Variants in NEMF observed in about 807,000 individuals in gnomAD.
NEMF encodes ribosome quality control complex subunit NEMF.
In NEMF, 89 loss-of-function variants were observed where a neutral mutation model predicts 162.2. The ratio of observed to expected loss-of-function variants is 0.55; its 90% confidence interval spans 0.46 to 0.65. NEMF has a LOEUF of 0.65. Among genes scored for constraint, NEMF ranks in the 30% least tolerant of loss-of-function variants. The pLI, the probability that NEMF is intolerant of heterozygous loss-of-function variation, is 0.00. For synonymous variants in NEMF, 421 were observed against 404.5 expected (o/e 1.04, Z -0.49); for missense variants, 1,133 against 1,261.9 (o/e 0.90, Z 1.55).
At chr14:49,788,570 T>C (rs1472181989) in intron 28 of NEMF, among the ~76,000 whole-genome samples, 1 of 150,436 alleles carries the variant, frequency 6.6e-6, no homozygotes. Context: ...TTTTTTTTTT[T>C]TTTTTGAGAT....
intron 18 of NEMF, among the ~76,000 whole-genome samples, chr14:49,813,545 A>G (rs1027578967): frequency 4.6e-5 from 7 of 152,044 alleles, no homozygotes; most frequent in African/African-American, 1.7e-4. Flanking sequence ...TCTCCCTTCA[A>G]TTCTGTCAGG....
chr14:49,835,422 ATCATT>A lies in NEMF; in HGVS notation c.575-978_575-974del, dbSNP rs1282300115. On this transcript the variant is annotated intron_variant, in intron 6 of 32. Coordinates refer to ENST00000298310, the MANE Select transcript of NEMF (RefSeq NM_004713.6). ...ATAAAATAAAGGAAAAGAGCCATATATCATTTCAATAGATGCAGAAAAAGCATTTG... is the reference window on the plus strand; with the variant it reads ...ATAAAATAAAGGAAAAGAGCCATATATCAATAGATGCAGAAAAAGCATTTG... Among the ~76,000 whole-genome samples, 4 of 152,224 alleles carry A rather than the reference ATCATT, an allele frequency of 2.6e-5. No homozygotes were observed. The East Asian group carries it at 7.7e-4, about 29-fold the overall frequency.
chr14:49,833,243 G>A (rs938789157), intron 8 of NEMF, among the ~76,000 whole-genome samples, 180 bp downstream of exon 8: 1 of 152,094 alleles, frequency 6.6e-6, no homozygotes, highest in South Asian at 2.1e-4. Context: ...TCCAGCCTGG[G>A]TAACAGAGCA....
intron 20 of NEMF, 72 bp downstream of exon 20, chr14:49,803,165 T>C: frequency 2.7e-6 from 3 of 1,112,582 alleles, no homozygotes; most frequent in Non-Finnish European, 4.1e-6. Flanking sequence ...TAAGAGTATT[T>C]GTAAACTGTC....
At chr14:49,784,757 C>A in intron 32 of NEMF, 44 bp from the exon 33 acceptor site, 2 of 1,525,674 alleles carry the variant, frequency 1.3e-6, no homozygotes, top group South Asian at 2.3e-5. Context: ...CCTGTATGGT[C>A]AATCATGTTT....
intron 26 of NEMF, among the ~76,000 whole-genome samples, chr14:49,790,540 C>T (rs1466874341): frequency 6.6e-6 from 1 of 152,066 alleles, no homozygotes; most frequent in Non-Finnish European, 1.5e-5. Flanking sequence ...GGATGGGGGA[C>T]AACTGGAACT....
rs780267278 is a variant in NEMF at position 49,785,061 on chromosome 14, A to T, written c.3073+31T>A. On this transcript the variant is annotated intron_variant, in intron 31 of 32. Transcript: ENST00000298310. ...ACTGTTAAGTCACTGAACTGTTTAA[A>T]ATCATAATTCAAAAAAACAAATTTA... The T allele has an allele frequency of 3.7e-6, 6 of 1,607,906 alleles. No homozygotes were observed. In the East Asian group the frequency reaches 1.1e-4, roughly 30 times the overall value.
At chr14:49,841,474 T>C (rs913417338) in intron 4 of NEMF, among the ~76,000 whole-genome samples, 5 of 148,132 alleles carry the variant, frequency 3.4e-5, no homozygotes, top group Non-Finnish European at 7.4e-5. Context: ...CTTGGGAGAC[T>C]GAGGCAGGAG....
At chr14:49,825,536 G>C (rs1313559225) in intron 16 of NEMF, among the ~76,000 whole-genome samples, 1 of 152,122 alleles carries the variant, frequency 6.6e-6, no homozygotes, top group East Asian at 1.9e-4. Flanking sequence ...AGAAGTTTGA[G>C]ACCAGCCTGG....
Position 49,784,899 on chromosome 14 carries a change from ATTCCTTTTCTGAAGGAGAACT to A in NEMF, c.3153+5_3153+25del. On this transcript the variant is annotated splice_donor_5th_base_variant and intron_variant, in intron 32 of 32. Coordinates refer to ENST00000298310, the MANE Select transcript of NEMF (RefSeq NM_004713.6). ...TTTAAATTGTACTGTCAGTCTCCACATTCCTTTTCTGAAGGAGAACTTTACCTTTACGCTGCGGAATAAGTC... is the reference window on the plus strand; with the variant it reads ...TTTAAATTGTACTGTCAGTCTCCACATTACCTTTACGCTGCGGAATAAGTC... 1 of 1,592,524 alleles carries A rather than the reference ATTCCTTTTCTGAAGGAGAACT, an allele frequency of 6.3e-7. No individual in the cohort carries two copies. Among genetic ancestry groups the A allele is most frequent in the Non-Finnish European group, 8.6e-7 (1 of 1,161,744 alleles).
intron 25 of NEMF, chr14:49,796,478 T>C (rs1890696759): frequency 3.7e-6 from 1 of 272,334 alleles, no homozygotes; most frequent in South Asian, 3.3e-5. Context: ...CTCTGAATTT[T>C]TTTTTTTTAA....
intron 18 of NEMF, among the ~76,000 whole-genome samples, chr14:49,806,758 G>A (rs965946598): frequency 1.3e-5 from 2 of 152,058 alleles, no homozygotes; most frequent in Non-Finnish European, 2.9e-5. Flanking sequence ...ATAATTTAGA[G>A]AAATCCATTT....
In NEMF at chr14:49,782,808, C is replaced by T. The variant is rs1889970614; in HGVS notation, c.*1828G>A. On this transcript the variant is annotated 3_prime_UTR_variant, in exon 33 of 33. Transcript: ENST00000298310. ...CAAACAGTAAAGTGAAATTACTTTT[C>T]TCTTTCCTTGTCCACTTTCAGGCTA... The T allele has an allele frequency of 6.2e-7, 1 of 1,605,112 alleles. No homozygotes were observed. Among genetic ancestry groups the T allele is most frequent in the Non-Finnish European group, 8.5e-7 (1 of 1,176,642 alleles).
chr14:49,831,302 T>G lies in NEMF; in HGVS notation c.942A>C (p.Gln314His). 6.4e-7 allele frequency: 1 copy of G among 1,559,126 alleles called. No individual in the cohort carries two copies. The highest frequency in any genetic ancestry group is 8.8e-7 in the Non-Finnish European group (1 of 1,130,512). ...EGQKIDLKAL[Q>H]QEKQALKKLD... ...ATGTGTTTTTAATAATACATACCTGTTGTAAAGCTTTTAAGTCAATTTTCT... is the reference window on the plus strand; with the variant it reads ...ATGTGTTTTTAATAATACATACCTGGTGTAAAGCTTTTAAGTCAATTTTCT... Residue 314 changes from glutamine (Q) to histidine (H), a missense_variant, in exon 11 of 33, where the codon CAA becomes CAC. Physicochemically the swap from Gln to His is conservative, Grantham distance 24. This residue lies in a region of NEMF where 582 missense variants were observed against 631.5 expected (regional missense o/e 0.92). Transcript: ENST00000298310.
intron 16 of NEMF, among the ~76,000 whole-genome samples, chr14:49,816,082 G>A (rs890932390): frequency 2.6e-5 from 4 of 152,158 alleles, no homozygotes; most frequent in African/African-American, 9.7e-5. Flanking sequence ...CTGAGTATCC[G>A]TCTCAAGATT....
intron 3 of NEMF, among the ~76,000 whole-genome samples, chr14:49,850,682 T>C (rs1893728076): frequency 6.6e-6 from 1 of 151,432 alleles, no homozygotes; most frequent in African/African-American, 2.4e-5. Context: ...ATAAAAAGAC[T>C]TAGTAACATA....
At chr14:49,848,602 C>T (rs537616592) in intron 3 of NEMF, among the ~76,000 whole-genome samples, 2 of 152,062 alleles carry the variant, frequency 1.3e-5, no homozygotes, top group Admixed American at 6.6e-5. Context: ...TCTGGGAGGC[C>T]GAGGCAGGCG....
In NEMF at chr14:49,834,501, G is replaced by GT. The variant is rs1446931191; in HGVS notation, c.575-53dup. 3.0e-6 allele frequency: 4 copies of GT among 1,342,346 alleles called. No individual in the cohort carries two copies. The South Asian group carries it at 3.7e-5, about 12-fold the overall frequency. 83.2% of individuals were successfully genotyped at this position (1,342,346 alleles called of 1,614,324 possible). A position where few individuals can be genotyped will look rare whatever the true frequency, so the allele number is the denominator to read the frequency against. Reference sequence around the variant, plus strand: ...AGTATTTTCCTATAAATTCTTTTTTGTTTTTGTTTTTTGAGATGGAGTTTT... The same window carrying GT: ...AGTATTTTCCTATAAATTCTTTTTTGTTTTTTGTTTTTTGAGATGGAGTTTT... On this transcript the variant is annotated intron_variant, in intron 6 of 32. Coordinates refer to ENST00000298310, the MANE Select transcript of NEMF (RefSeq NM_004713.6).
chr14:49,850,590 C>A (rs553181319), intron 3 of NEMF, among the ~76,000 whole-genome samples: 2 of 152,138 alleles, frequency 1.3e-5, no homozygotes, highest in South Asian at 4.1e-4. Flanking sequence ...AATTTTCAAT[C>A]TATATGTTAC....
Sources: allele counts gnomAD v4.1 joint callset (sites outside exome capture counted in the v4.1 genomes callset), GRCh38; gene constraint gnomAD v4.1.1; regional missense constraint gnomAD v4.1.1; transcripts MANE v1.5; gene names NCBI Gene and HGNC (gene_info 2026-07-23, HGNC 2026-07-21).